The following PDE8B variants were observed in gnomAD, a reference collection of about 807,000 sequenced individuals.
PDE8B encodes phosphodiesterase 8B.
A neutral mutation model predicts 101.3 loss-of-function variants in PDE8B; 26 were observed. The observed-to-expected ratio is 0.26, with a 90% CI of 0.19 to 0.36. PDE8B has a LOEUF of 0.36. PDE8B is among the 10% of genes least tolerant of loss of function. PDE8B has a pLI of 1.00. For synonymous variants in PDE8B, 424 were observed against 429.3 expected (o/e 0.99, Z 0.15); for missense variants, 810 against 1,163.1 (o/e 0.70, Z 4.42).
chr5:77,290,074 C>T (rs1241189674), intron 1 of PDE8B, among the ~76,000 whole-genome samples: 1 of 152,182 alleles, frequency 6.6e-6, no homozygotes. Flanking sequence ...AAGATACATC[C>T]GTGAGTAATA....
At chr5:77,111,943 T>G in the PDE8B span, 2 of 152,176 alleles carry the variant, frequency 1.3e-5, no homozygotes, top group African/African-American at 2.4e-5. Flanking sequence ...TTCAGATTGT[T>G]CATCTCCTGT....
At chr5:77,238,790 A>C (rs752879714) in intron 1 of PDE8B, among the ~76,000 whole-genome samples, 2 of 152,200 alleles carry the variant, frequency 1.3e-5, no homozygotes, top group Non-Finnish European at 2.9e-5. Context: ...TACGAGTCCA[A>C]AGGCCAGAGA....
intron 1 of PDE8B, among the ~76,000 whole-genome samples, chr5:77,248,161 A>T (rs2149597116): frequency 6.6e-6 from 1 of 152,348 alleles, no homozygotes; most frequent in African/African-American, 2.4e-5. Context: ...TCTAGGCAGA[A>T]ATGACAACTG....
At chr5:77,297,195 A>G (rs1477555439) in intron 1 of PDE8B, among the ~76,000 whole-genome samples, 1 of 152,246 alleles carries the variant, frequency 6.6e-6, no homozygotes, top group Non-Finnish European at 1.5e-5. Flanking sequence ...TCAAGATAAC[A>G]GCATTAATCC....
At chr5:77,304,172 G>A (rs1013466078) in intron 1 of PDE8B, among the ~76,000 whole-genome samples, 1 of 152,124 alleles carries the variant, frequency 6.6e-6, no homozygotes, top group Admixed American at 6.5e-5. Flanking sequence ...TTTCTGAGGG[G>A]CCACTTTCTT....
intron 11 of PDE8B, among the ~76,000 whole-genome samples, chr5:77,402,641 A>G (rs1022685203): frequency 3.3e-5 from 5 of 152,238 alleles, no homozygotes; most frequent in Admixed American, 1.3e-4. Flanking sequence ...GATGTAATTA[A>G]TAGCCCCCAT....
At chr5:77,259,987 C>A (rs944795063) in intron 1 of PDE8B, among the ~76,000 whole-genome samples, 37 of 151,816 alleles carry the variant, frequency 2.4e-4, no homozygotes, top group African/African-American at 8.7e-4. Flanking sequence ...CATGGTGAAA[C>A]CCCATCTCTA....
intron 1 of PDE8B, among the ~76,000 whole-genome samples, chr5:77,285,969 C>T (rs910462905): frequency 6.6e-6 from 1 of 151,954 alleles, no homozygotes; most frequent in East Asian, 1.9e-4. Flanking sequence ...GAGAGTTCTT[C>T]TTTATTTGTT....
At chr5:77,410,228 G>A (rs1207794487) in intron 14 of PDE8B, among the ~76,000 whole-genome samples, 2 of 152,336 alleles carry the variant, frequency 1.3e-5, no homozygotes, top group Admixed American at 1.3e-4. Flanking sequence ...TGCAGAGCGG[G>A]GCTACCCCAT....
chr5:77,132,687 G>A, the PDE8B span, among the ~76,000 whole-genome samples: 2 of 152,148 alleles, frequency 1.3e-5, no homozygotes, highest in Non-Finnish European at 2.9e-5. Flanking sequence ...GGAACTTCAT[G>A]TGCTATCATG....
At chr5:77,302,179 A>G (rs1770103779) in intron 1 of PDE8B, among the ~76,000 whole-genome samples, 1 of 152,160 alleles carries the variant, frequency 6.6e-6, no homozygotes, top group Admixed American at 6.5e-5. Context: ...ATCTGATGGC[A>G]TCTGCATGAC....
intron 1 of PDE8B, among the ~76,000 whole-genome samples, chr5:77,299,250 G>GTTTT (rs1212001754): frequency 1.4e-5 from 2 of 147,560 alleles, no homozygotes; most frequent in Non-Finnish European, 3.0e-5. Flanking sequence ...TTTTTTGTTT[G>GTTTT]TTTGTTTGTT....
chr5:77,134,632 GGATCCCAGGT>G, the PDE8B span: 5 of 152,226 alleles, frequency 3.3e-5, no homozygotes, highest in Non-Finnish European at 2.9e-5. Context: ...GAATGTGTAT[GGATCCCAGGT>G]GATCCCTGTG....
At chr5:77,231,873 T>G (rs1021492893) in intron 1 of PDE8B, among the ~76,000 whole-genome samples, 2 of 151,358 alleles carry the variant, frequency 1.3e-5, no homozygotes, top group Non-Finnish European at 2.9e-5. Flanking sequence ...AGCGAAGGAG[T>G]GGGAAAGAAG....
At chr5:77,138,488 G>A in the PDE8B span, among the ~76,000 whole-genome samples, 1 of 152,314 alleles carries the variant, frequency 6.6e-6, no homozygotes, top group East Asian at 1.9e-4. Flanking sequence ...CAGAACAGAA[G>A]TAAGCAGGCT....
intron 10 of PDE8B, among the ~76,000 whole-genome samples, chr5:77,372,545 G>A (rs1433615871): frequency 2.6e-5 from 4 of 152,176 alleles, no homozygotes; most frequent in East Asian, 1.9e-4. Context: ...TGAAGGTATC[G>A]TGGCCTGGAA....
intron 2 of PDE8B, among the ~76,000 whole-genome samples, chr5:77,315,247 A>G (rs962789716): frequency 1.3e-5 from 2 of 152,124 alleles, no homozygotes; most frequent in Non-Finnish European, 2.9e-5. Flanking sequence ...CAAGAAGATA[A>G]TTTGTTGTTT....
the PDE8B span, among the ~76,000 whole-genome samples, chr5:77,185,637 G>A: frequency 2.0e-5 from 3 of 152,140 alleles, no homozygotes; most frequent in Non-Finnish European, 2.9e-5. Context: ...ATGTAGTCAT[G>A]CTGTTTTCAT....
chr5:77,290,031 A>G (rs968946730), intron 1 of PDE8B, among the ~76,000 whole-genome samples: 2 of 152,234 alleles, frequency 1.3e-5, no homozygotes, highest in Non-Finnish European at 2.9e-5. Context: ...TTATCATCAT[A>G]ATATCTATCA....
Sources: gnomAD v4.1 joint callset for allele counts (sites outside exome capture counted in the v4.1 genomes callset) on GRCh38, gnomAD v4.1.1 for gene constraint, MANE v1.5 for transcripts, NCBI Gene and HGNC (gene_info 2026-07-23, HGNC 2026-07-21) for gene names.